Variants in PRKAA1 observed in about 807,000 individuals in gnomAD.
PRKAA1 encodes the protein protein kinase AMP-activated catalytic subunit alpha 1, also known as 5'-AMP-activated protein kinase catalytic subunit alpha-1.
In PRKAA1, 23 loss-of-function variants were observed where a neutral mutation model predicts 56.9. The ratio of observed to expected loss-of-function variants is 0.40; its 90% CI spans 0.29 to 0.57. The LOEUF is 0.57. Among genes scored for constraint, PRKAA1 ranks in the 20% least tolerant of loss-of-function variants. PRKAA1 has a pLI of 0.39. For missense variants in PRKAA1, 413 were observed against 679.7 expected, an observed-to-expected ratio of 0.61 and a Z score of 4.36; for synonymous variants, 226 against 227.0, an observed-to-expected ratio of 1.00 and a Z score of 0.04.
At chr5:40,772,452 AC>A (rs141592022) in intron 3 of PRKAA1, among the ~76,000 whole-genome samples, 17,220 of 152,204 alleles carry the variant, frequency 0.11, 1,311 homozygotes, top group Non-Finnish European at 0.17. Context: ...CTATTCATAA[AC>A]CAGCAAGCAA....
At chr5:40,767,809 C>A in intron 5 of PRKAA1, 119 bp from the exon 6 acceptor site, 1 of 809,728 alleles carries the variant, frequency 1.2e-6, no homozygotes, top group Non-Finnish European at 1.9e-6. Context: ...GTTTTTATAG[C>A]CACTACTACA....
chr5:40,783,691 G>A (rs771035550), intron 1 of PRKAA1, among the ~76,000 whole-genome samples: 4 of 152,058 alleles, frequency 2.6e-5, no homozygotes, highest in Non-Finnish European at 5.9e-5. Flanking sequence ...CCCGAGAGGC[G>A]GAGGTTACAG....
intron 1 of PRKAA1, among the ~76,000 whole-genome samples, chr5:40,788,251 C>A (rs987155752): frequency 2.0e-5 from 3 of 152,054 alleles, no homozygotes; most frequent in African/African-American, 7.3e-5. Flanking sequence ...GACAAAGGTG[C>A]CAAGACTACA....
chr5:40,786,786 C>CAAAAAAAAAAA (rs34749478), intron 1 of PRKAA1, among the ~76,000 whole-genome samples: 10 of 43,512 alleles, frequency 2.3e-4, no homozygotes, highest in Admixed American at 7.3e-4. Flanking sequence ...ACTAAAAATA[C>CAAAAAAAAAAA]AAAAAAAAAA....
At position 40,760,433 on chromosome 5, in the gene PRKAA1, CCCA is replaced by C. The variant is rs761327542; in HGVS notation, c.*2342_*2344del. The C allele has an allele frequency of 1.3e-5, 2 of 152,660 alleles. No homozygotes were observed. Among genetic ancestry groups the C allele is most frequent in the African/African-American group, 4.8e-5 (2 of 41,410 alleles). The allele number at this position is 152,660 out of a possible 1,614,324, so 9.5% of individuals were successfully genotyped here. A position where few individuals can be genotyped will look rare whatever the true frequency, so the allele number is the denominator to read the frequency against. ...TGGTTCCTCCTTTTCTTCCCCCCTC[CCCA>C]CAACAGCGTATATAGCGCCATTACT... On this transcript the variant is annotated 3_prime_UTR_variant, in exon 9 of 9. Coordinates refer to ENST00000397128, the MANE Select transcript of PRKAA1 (RefSeq NM_006251.6).
chr5:40,772,996 T>G (rs1014221186), intron 3 of PRKAA1, among the ~76,000 whole-genome samples: 1 of 152,180 alleles, frequency 6.6e-6, no homozygotes. Flanking sequence ...TCAACATAAG[T>G]GACAGCCATT....
chr5:40,785,751 GA>G (rs1443341111), intron 1 of PRKAA1, among the ~76,000 whole-genome samples: 2 of 151,748 alleles, frequency 1.3e-5, no homozygotes, highest in African/African-American at 2.4e-5. Flanking sequence ...TGAAGGATTT[GA>G]AGATGAAATC....
At chr5:40,771,412 A>G (rs1743739963) in intron 4 of PRKAA1, among the ~76,000 whole-genome samples, 1 of 152,198 alleles carries the variant, frequency 6.6e-6, no homozygotes, top group South Asian at 2.1e-4. Flanking sequence ...CTGAGGCAGG[A>G]GGGTCACCTG....
intron 2 of PRKAA1, 23 bp from the exon 3 acceptor site, chr5:40,775,526 A>G (rs1322573798): frequency 6.7e-7 from 1 of 1,485,980 alleles, no homozygotes. Flanking sequence ...AACATTGTCT[A>G]CAAATATTAA....
chr5:40,764,569 T>C lies in PRKAA1; in HGVS notation c.1380A>G (p.Leu460=). 1 of 1,613,346 alleles carries C rather than the reference T, an allele frequency of 6.2e-7. No individual in the cohort carries two copies. The highest frequency in any genetic ancestry group is 8.5e-7 in the Non-Finnish European group (1 of 1,179,524). The stretch of plus-strand genomic sequence containing the variant: ...TTCTACTATCCACTTGGTATAACTG[T>C]AGACTCATTTTGGAGTAAGTGCTTG... The part of the protein sequence containing the change: ...PVTSTYSKMS[L]QLYQVDSRTY... Residue 460 remains leucine (L), a synonymous_variant, in exon 8 of 9, where the codon CTA becomes CTG. Coordinates refer to ENST00000397128, the MANE Select transcript of PRKAA1 (RefSeq NM_006251.6).
intron 8 of PRKAA1, 114 bp from the exon 9 acceptor site, chr5:40,763,136 G>A (rs866026551): frequency 8.0e-6 from 8 of 996,554 alleles, no homozygotes; most frequent in Middle Eastern, 5.6e-4. Flanking sequence ...TCAAGAGCAC[G>A]CTTATTCTAA....
chr5:40,771,371 T>TA (rs976067435), intron 4 of PRKAA1, among the ~76,000 whole-genome samples: 3 of 152,120 alleles, frequency 2.0e-5, no homozygotes, highest in African/African-American at 7.2e-5. Flanking sequence ...GGCATGGTAG[T>TA]GCACGCCTGC....
chr5:40,789,783 G>A (rs1239638829), intron 1 of PRKAA1, among the ~76,000 whole-genome samples: 1 of 152,122 alleles, frequency 6.6e-6, no homozygotes, highest in African/African-American at 2.4e-5. Flanking sequence ...AACTTTAAAT[G>A]TTCTCACCAC....
chr5:40,768,142 TCA>T (rs951526535), intron 5 of PRKAA1, among the ~76,000 whole-genome samples: 3 of 152,194 alleles, frequency 2.0e-5, no homozygotes, highest in African/African-American at 7.2e-5. Flanking sequence ...GCAAATTGGT[TCA>T]CAGAGTTTTT....
chr5:40,769,283 A>G (rs772098028), intron 5 of PRKAA1, 133 bp downstream of exon 5: 9 of 700,954 alleles, frequency 1.3e-5, no homozygotes, highest in Non-Finnish European at 2.1e-5. Flanking sequence ...TCATTCACAT[A>G]TAAATGTGGT....
intron 6 of PRKAA1, among the ~76,000 whole-genome samples, chr5:40,766,913 G>T (rs913790418): frequency 9.2e-5 from 14 of 152,100 alleles, no homozygotes; most frequent in Admixed American, 8.5e-4. Flanking sequence ...CAACTACTAG[G>T]GAGGCTAAAG....
chr5:40,785,839 CAGAG>C (rs10594859), intron 1 of PRKAA1, among the ~76,000 whole-genome samples: 46 of 58,538 alleles, frequency 7.9e-4, no homozygotes, highest in East Asian at 6.6e-3. Context: ...CACACACACA[CAGAG>C]AGAGAGAGAG....
At position 40,767,684 on chromosome 5, in the gene PRKAA1, A is replaced by G. The variant is rs778522034; in HGVS notation, c.603T>C (p.Tyr201=). ...AAPEVISGRL[Y]AGPEVDIWSS... Reference sequence around the variant, plus strand: ...TCCATATATCTACCTCTGGGCCTGCATACAATCTGTAACAGGAAATAACAA... The same window carrying G: ...TCCATATATCTACCTCTGGGCCTGCGTACAATCTGTAACAGGAAATAACAA... The change falls in exon 6 of 9, where the codon TAT becomes TAC. Residue 201 remains tyrosine (Y), a synonymous_variant. Coordinates refer to ENST00000397128, the MANE Select transcript of PRKAA1 (RefSeq NM_006251.6). The G allele has an allele frequency of 1.2e-6, 2 of 1,601,508 alleles. No homozygotes were observed. Among genetic ancestry groups the G allele is most frequent in the South Asian group, 2.2e-5 (2 of 90,144 alleles).
At chr5:40,797,862 C>T (rs1046259394) in intron 1 of PRKAA1, among the ~76,000 whole-genome samples, 4 of 152,114 alleles carry the variant, frequency 2.6e-5, no homozygotes, top group Non-Finnish European at 5.9e-5. Context: ...GGCCCCTACC[C>T]CACCCCCACC....
Sources: allele counts gnomAD v4.1 joint callset (sites outside exome capture counted in the v4.1 genomes callset), GRCh38; gene constraint gnomAD v4.1.1; transcripts MANE v1.5; gene names NCBI Gene and HGNC (gene_info 2026-07-23, HGNC 2026-07-21).